The following KLHL29 variants were observed in gnomAD, a reference collection of about 807,000 sequenced individuals.
The protein encoded by KLHL29 is kelch-like protein 29.
In KLHL29, 21 loss-of-function variants were observed where a neutral mutation model predicts 80.4. That is an observed-to-expected ratio of 0.26 (90% confidence interval 0.19 to 0.38). The LOEUF is 0.38. KLHL29 is among the 10% of genes least tolerant of loss of function. The probability of loss-of-function intolerance (pLI) is 1.00; values close to 1 mark genes in which losing one functional copy is unlikely to be tolerated. For synonymous variants in KLHL29, 511 were observed against 526.8 expected (o/e 0.97, Z 0.41); for missense variants, 867 against 1,223.9 (o/e 0.71, Z 4.35).
At chr2:23,587,980 G>A (rs188233221) in intron 3 of KLHL29, among the ~76,000 whole-genome samples, 91 of 152,234 alleles carry the variant, frequency 6.0e-4, no homozygotes, top group Admixed American at 2.5e-3. Flanking sequence ...TTCATCTGTC[G>A]CGTTTATTTC....
intron 3 of KLHL29, among the ~76,000 whole-genome samples, chr2:23,633,721 G>A (rs181505143): frequency 2.9e-4 from 38 of 133,152 alleles, no homozygotes; most frequent in East Asian, 2.6e-3. Flanking sequence ...GCATAGTGTC[G>A]CATCTGACAT....
chr2:23,551,855 G>A (rs1667138716), intron 2 of KLHL29, among the ~76,000 whole-genome samples: 1 of 152,162 alleles, frequency 6.6e-6, no homozygotes. Context: ...TTTCTCACAA[G>A]TCCCCAGGCG....
intron 2 of KLHL29, among the ~76,000 whole-genome samples, chr2:23,515,267 A>G (rs1400068943): frequency 6.6e-6 from 1 of 152,126 alleles, no homozygotes; most frequent in Non-Finnish European, 1.5e-5. Context: ...CCTGGTGTTC[A>G]GGGTCATGTC....
At chr2:23,532,826 A>C (rs1350628279) in intron 2 of KLHL29, among the ~76,000 whole-genome samples, 1 of 152,154 alleles carries the variant, frequency 6.6e-6, no homozygotes, top group Admixed American at 6.5e-5. Flanking sequence ...GTTCAGGGTA[A>C]GGGGAGGATT....
At chr2:23,685,751 G>T (rs887509337) in intron 6 of KLHL29, among the ~76,000 whole-genome samples, 2 of 152,200 alleles carry the variant, frequency 1.3e-5, no homozygotes, top group Non-Finnish European at 2.9e-5. Flanking sequence ...AGGGGCATGT[G>T]GTCTGGGGTG....
intron 2 of KLHL29, among the ~76,000 whole-genome samples, chr2:23,508,345 G>A (rs1311388183): frequency 2.0e-5 from 3 of 152,228 alleles, no homozygotes; most frequent in Admixed American, 6.5e-5. Context: ...TGCAGGGGCT[G>A]GAGATCCTCC....
At chr2:23,529,463 T>C (rs1666428406) in intron 2 of KLHL29, among the ~76,000 whole-genome samples, 1 of 152,214 alleles carries the variant, frequency 6.6e-6, no homozygotes, top group Admixed American at 6.5e-5. Context: ...CCACTATGCA[T>C]GCTGCAGTAT....
rs760342453 is a variant in KLHL29, at chr2:23,642,432, G to A, written c.522G>A (p.Pro174=). ...TGGCCCAGCCTCCCACCTTCAGCCC[G>A]GCTGTGAACGTCCAGGCCCCGGTCA... ...YGVAQPPTFS[P]AVNVQAPVIG... The change falls in exon 5 of 14, where the codon CCG becomes CCA. Residue 174 remains proline, a synonymous_variant. Transcript: ENST00000486442. 8.0e-5 allele frequency: 120 copies of A among 1,495,424 alleles called. No homozygotes were observed. In the South Asian group the frequency reaches 8.3e-4, roughly 10 times the overall value. 92.6% of individuals were successfully genotyped at this position (1,495,424 alleles called of 1,614,324 possible).
intron 2 of KLHL29, among the ~76,000 whole-genome samples, chr2:23,497,075 C>A (rs1489402964): frequency 2.1e-5 from 3 of 145,826 alleles, no homozygotes; most frequent in Non-Finnish European, 4.5e-5. Flanking sequence ...AAAAAAAAAA[C>A]TATGAGCCCT....
intron 2 of KLHL29, among the ~76,000 whole-genome samples, chr2:23,510,366 G>A (rs561011820): frequency 4.7e-4 from 71 of 152,272 alleles, no homozygotes; most frequent in African/African-American, 1.7e-3. Context: ...TGGCATCCCA[G>A]GACACCCTCC....
At chr2:23,575,111 C>G (rs903427018) in intron 3 of KLHL29, among the ~76,000 whole-genome samples, 1 of 152,202 alleles carries the variant, frequency 6.6e-6, no homozygotes, top group Non-Finnish European at 1.5e-5. Context: ...GCTCTGCAGG[C>G]TCGGAGCTGC....
In KLHL29 at chr2:23,695,775, C is replaced by G; in HGVS notation, c.1695C>G (p.Ala565=). The part of the protein sequence containing the change: ...EAKRYHMLPH[A]RQEMQTPRTR... Reference sequence around the variant, plus strand: ...AACGCTACCATATGCTGCCCCACGCCCGCCAGGAGATGCAGACGCCCCGAA... The same window carrying G: ...AACGCTACCATATGCTGCCCCACGCGCGCCAGGAGATGCAGACGCCCCGAA... Residue 565 remains alanine (A), a synonymous_variant, in exon 9 of 14, where the codon GCC becomes GCG. Coordinates refer to ENST00000486442, the MANE Select transcript of KLHL29 (RefSeq NM_052920.2). This position sits in a 1 kb window ranked among gnomAD's most constrained non-coding sequence, Gnocchi z 7.6. 6.4e-7 allele frequency: 1 copy of G among 1,551,276 alleles called. No homozygotes were observed. The highest frequency in any genetic ancestry group is 2.0e-5 in the Admixed American group (1 of 50,990).
intron 2 of KLHL29, among the ~76,000 whole-genome samples, chr2:23,548,518 A>T (rs771039793): frequency 6.6e-6 from 1 of 152,220 alleles, no homozygotes; most frequent in South Asian, 2.1e-4. Flanking sequence ...TTGGCCAATG[A>T]CACCAGAGCA....
At chr2:23,563,642 G>A (rs1235461150) in intron 3 of KLHL29, among the ~76,000 whole-genome samples, 1 of 152,200 alleles carries the variant, frequency 6.6e-6, no homozygotes, top group Non-Finnish European at 1.5e-5. Flanking sequence ...CGCGCTCCAG[G>A]TGTGCTGCGC....
rs376731970 is a variant in KLHL29 at position 23,642,661 on chromosome 2, G to T, written c.751G>T (p.Ala251Ser). ...VGQVARPGPT[A>S]VGNGHMAGPL... The stretch of plus-strand genomic sequence containing the variant: ...GCAGGTGGCCCGCCCAGGACCCACC[G>T]CTGTGGGCAACGGCCACATGGCAGG... Residue 251 changes from alanine (A) to serine (S), a missense_variant, in exon 5 of 14, where the codon GCT becomes TCT. Ala to Ser is a moderately conservative substitution (Grantham distance 99). Transcript: ENST00000486442. 1.7e-5 allele frequency: 27 copies of T among 1,548,216 alleles called. 1 individual carries two copies. The Admixed American group carries it at 3.5e-4, about 20-fold the overall frequency.
intron 1 of KLHL29, among the ~76,000 whole-genome samples, chr2:23,412,522 A>G (rs1023862012): frequency 6.6e-6 from 1 of 152,090 alleles, no homozygotes; most frequent in Non-Finnish European, 1.5e-5. Context: ...TTGTGGACTG[A>G]ATGTTCTCCA....
chr2:23,564,433 C>G (rs935617241), intron 3 of KLHL29, among the ~76,000 whole-genome samples: 3 of 152,206 alleles, frequency 2.0e-5, no homozygotes, highest in African/African-American at 7.2e-5. Flanking sequence ...CGCTCCTTGG[C>G]ATGTCACAAC....
intron 5 of KLHL29, among the ~76,000 whole-genome samples, chr2:23,675,889 G>T (rs1670905849): frequency 6.6e-6 from 1 of 152,154 alleles, no homozygotes; most frequent in African/African-American, 2.4e-5. Context: ...CACATTTGGG[G>T]GAATGTGATC....
intron 1 of KLHL29, among the ~76,000 whole-genome samples, chr2:23,410,505 G>A (rs1666837386): frequency 6.6e-6 from 1 of 152,184 alleles, no homozygotes; most frequent in Non-Finnish European, 1.5e-5. Context: ...AGGCATGGCA[G>A]TGGTGGCAGA....
Sources: allele counts gnomAD v4.1 joint callset (sites outside exome capture counted in the v4.1 genomes callset), GRCh38; gene constraint gnomAD v4.1.1; non-coding constraint Gnocchi (gnomAD v3.1); transcripts MANE v1.5; gene names NCBI Gene and HGNC (gene_info 2026-07-23, HGNC 2026-07-21).